Variants in NECTIN1 observed in about 807,000 individuals in gnomAD.
NECTIN1 encodes nectin cell adhesion molecule 1, also known as nectin-1.
Under a neutral mutation model 48.0 loss-of-function variants are expected in NECTIN1, and 23 were observed. The observed-to-expected ratio is 0.48, with a 90% confidence interval of 0.34 to 0.68. The LOEUF (loss-of-function observed/expected upper bound fraction) is 0.68, where lower values mean the gene tolerates loss of function less well. Ranked by LOEUF, NECTIN1 falls within the 30% of genes least tolerant of loss-of-function variation. The probability of loss-of-function intolerance (pLI) is 0.01; values close to 1 mark genes in which losing one functional copy is unlikely to be tolerated. For missense variants in NECTIN1, 591 were observed against 709.9 expected (o/e 0.83, Z 1.90); for synonymous variants, 270 against 288.9 (o/e 0.93, Z 0.66).
intron 5 of NECTIN1, among the ~76,000 whole-genome samples, chr11:119,649,949 T>G (rs4245200): frequency 1 from 151,720 of 152,260 alleles, 75,591 homozygotes; most frequent in Middle Eastern, 1. Flanking sequence ...CAACAAGGCT[T>G]TTTATTTCAC....
intron 1 of NECTIN1, among the ~76,000 whole-genome samples, chr11:119,690,113 GCCT>G (rs1865227530): frequency 6.6e-6 from 1 of 152,192 alleles, no homozygotes; most frequent in Non-Finnish European, 1.5e-5. Context: ...GGTGCTCAGG[GCCT>G]CTTCTGTACC....
chr11:119,648,394 A>ATGGTGG (rs1864442282), intron 5 of NECTIN1, among the ~76,000 whole-genome samples: 4 of 6,674 alleles, frequency 6.0e-4, no homozygotes, highest in Admixed American at 1.9e-3. Context: ...GGTGGTGGTG[A>ATGGTGG]TGGTGGTGAT....
At chr11:119,717,775 C>CG (rs1021714224) in intron 1 of NECTIN1, among the ~76,000 whole-genome samples, 24 of 152,264 alleles carry the variant, frequency 1.6e-4, no homozygotes, top group African/African-American at 5.8e-4. Flanking sequence ...CCTGCAGGCC[C>CG]GGGGGTAGGG....
downstream of NECTIN1, among the ~76,000 whole-genome samples, chr11:119,657,718 AG>A (rs1234092875): frequency 1.2e-4 from 18 of 145,980 alleles, no homozygotes; most frequent in African/African-American, 3.5e-4. Context: ...TGGGTAACAT[AG>A]GGAGACCCCT....
At chr11:119,682,790 GC>G (rs1865082281) in intron 1 of NECTIN1, among the ~76,000 whole-genome samples, 1 of 152,040 alleles carries the variant, frequency 6.6e-6, no homozygotes, top group Non-Finnish European at 1.5e-5. Context: ...GAAGCAACAG[GC>G]CTCCCTCCCT....
rs1398980125 is a variant in NECTIN1, at chr11:119,709,792, C to A, written c.79+18683G>T. On this transcript the variant is annotated intron_variant, in intron 1 of 5. Transcript: ENST00000264025. This position sits in a 1 kb window ranked among gnomAD's most constrained non-coding sequence, Gnocchi z 4.1. ...GCGGAGCGGGTTTGAGGGGGAGGAC[C>A]TAGCTGGTTTTTCCCAGCATCCCCC... The A allele has an allele frequency of 6.6e-6, 1 of 152,196 alleles. No individual in the cohort carries two copies. The highest frequency in any genetic ancestry group is 1.9e-4 in the East Asian group (1 of 5,198). The allele number at this position is 152,196 out of a possible 1,614,324, so 9.4% of individuals were successfully genotyped here. A position where few individuals can be genotyped will look rare whatever the true frequency, so the allele number is the denominator to read the frequency against.
Position 119,662,391 on chromosome 11 carries a change from G to A in NECTIN1, c.*2356C>T. 1.0e-6 allele frequency: 1 copy of A among 985,772 alleles called. No individual in the cohort carries two copies. The highest frequency in any genetic ancestry group is 1.7e-5 in the African/African-American group (1 of 57,336). The allele number at this position is 985,772 out of a possible 1,614,324, so 61.1% of individuals were successfully genotyped here. A position where few individuals can be genotyped will look rare whatever the true frequency, so the allele number is the denominator to read the frequency against. On this transcript the variant is annotated 3_prime_UTR_variant, in exon 6 of 6. Coordinates refer to ENST00000264025, the MANE Select transcript of NECTIN1 (RefSeq NM_002855.5). The surrounding 1 kb of genome is among the most constrained non-coding windows in gnomAD (Gnocchi z 5.3). ...GCTGCTCGGTGGGTATGCTGAGGCT[G>A]GGCCCCTGGCAAGTCAGGAGCCTCC...
chr11:119,680,426 A>G (rs1193903870), intron 1 of NECTIN1, among the ~76,000 whole-genome samples: 1 of 151,814 alleles, frequency 6.6e-6, no homozygotes, highest in African/African-American at 2.4e-5. Flanking sequence ...GATCTAAATG[A>G]CCCCCCAAGG....
At chr11:119,723,631 C>A (rs560579955) in intron 1 of NECTIN1, among the ~76,000 whole-genome samples, 1 of 152,354 alleles carries the variant, frequency 6.6e-6, no homozygotes, top group African/African-American at 2.4e-5. Context: ...TCCTGTTACA[C>A]TGAGTTCATC....
chr11:119,714,584 C>T (rs577956222), intron 1 of NECTIN1, among the ~76,000 whole-genome samples: 1 of 152,332 alleles, frequency 6.6e-6, no homozygotes, highest in Admixed American at 6.5e-5. Flanking sequence ...CCGCTGTCCC[C>T]TGCCCTGTCC....
chr11:119,653,793 T>C (rs553259619), intron 5 of NECTIN1, among the ~76,000 whole-genome samples: 2 of 152,308 alleles, frequency 1.3e-5, no homozygotes, highest in South Asian at 4.2e-4. Context: ...GAGTCAATTC[T>C]CCTTTAATCC....
In NECTIN1 at chr11:119,665,463, A is replaced by G. The variant is rs1024525841; in HGVS notation, c.1004-166T>C. On this transcript the variant is annotated intron_variant, in intron 5 of 5. Transcript: ENST00000264025. This position sits in a 1 kb window ranked among gnomAD's most constrained non-coding sequence, Gnocchi z 5.1. ...CCCCGCAGCACTCCACCCATCCTGG[A>G]GCCCTAACATGCCGCAGCGTTGGTA... 2.0e-5 allele frequency among the ~76,000 whole-genome samples: 3 copies of G among 152,134 alleles called. No homozygotes were observed. The highest frequency in any genetic ancestry group is 6.5e-5 in the Admixed American group (1 of 15,280).
chr11:119,721,339 T>C (rs1379804802), intron 1 of NECTIN1, among the ~76,000 whole-genome samples: 1 of 152,060 alleles, frequency 6.6e-6, no homozygotes, highest in African/African-American at 2.4e-5. Context: ...TCCAGGACTT[T>C]GTGGGGAGGG....
rs115509126 is a variant in NECTIN1 at position 119,672,424 on chromosome 11, G to A, written c.1003+2735C>T. On this transcript the variant is annotated intron_variant, in intron 5 of 5. Transcript: ENST00000264025. The surrounding 1 kb of genome is among the most constrained non-coding windows in gnomAD (Gnocchi z 4.3). ...ACCACTGGGCCCACCCCATGAAACTGCTCCTCTGTGTAAGGGCCTCTGAAA... is the reference window on the plus strand; with the variant it reads ...ACCACTGGGCCCACCCCATGAAACTACTCCTCTGTGTAAGGGCCTCTGAAA... Among the ~76,000 whole-genome samples, 740 of 152,272 alleles carry A rather than the reference G, an allele frequency of 4.9e-3. 6 individuals carry two copies. The highest frequency in any genetic ancestry group is 0.017 in the African/African-American group (707 of 41,564).
chr11:119,643,411 G>A (rs1451264876), intron 5 of NECTIN1, among the ~76,000 whole-genome samples: 1 of 152,236 alleles, frequency 6.6e-6, no homozygotes, highest in East Asian at 1.9e-4. Flanking sequence ...AGCTCAGAGA[G>A]GTTAAGTAAT....
In NECTIN1 at chr11:119,665,360, T is replaced by TGTTGGGGGGGG; in HGVS notation, c.1004-64_1004-63insCCCCCCCCAAC. On this transcript the variant is annotated intron_variant, in intron 5 of 5. Coordinates refer to ENST00000264025, the MANE Select transcript of NECTIN1 (RefSeq NM_002855.5). The surrounding 1 kb of genome is among the most constrained non-coding windows in gnomAD (Gnocchi z 5.1). ...GTGTGCTCCTGGGGTGTAGAGGGGG[T>TGTTGGGGGGGG]GGGAGGGAGGCAGGGAAAGGAGAGG... The TGTTGGGGGGGG allele has an allele frequency of 9.9e-7, 1 of 1,005,438 alleles. No individual in the cohort carries two copies. The highest frequency in any genetic ancestry group is 1.3e-6 in the Non-Finnish European group (1 of 750,894). 62.3% of individuals were successfully genotyped at this position (1,005,438 alleles called of 1,614,324 possible).
chr11:119,692,340 C>A (rs901257353), intron 1 of NECTIN1, among the ~76,000 whole-genome samples: 1 of 152,224 alleles, frequency 6.6e-6, no homozygotes, highest in Non-Finnish European at 1.5e-5. Flanking sequence ...CCCTTCCCTC[C>A]TTCCATTCCC....
chr11:119,644,532 G>A (rs937873096), intron 5 of NECTIN1, among the ~76,000 whole-genome samples: 1 of 152,220 alleles, frequency 6.6e-6, no homozygotes, highest in South Asian at 2.1e-4. Flanking sequence ...TTAGACAAAC[G>A]TGTGCCTCAC....
chr11:119,641,755 C>T (rs1034375071), intron 5 of NECTIN1: 3 of 151,982 alleles, frequency 2.0e-5, no homozygotes, highest in African/African-American at 7.3e-5. Context: ...CGGAGTCTCA[C>T]TCTGTCGCCC....
Sources: allele counts gnomAD v4.1 joint callset (sites outside exome capture counted in the v4.1 genomes callset), GRCh38; gene constraint gnomAD v4.1.1; non-coding constraint Gnocchi (gnomAD v3.1); transcripts MANE v1.5; gene names NCBI Gene and HGNC (gene_info 2026-07-23, HGNC 2026-07-21).